Variants in PIGG observed in about 807,000 individuals in gnomAD.
The protein encoded by PIGG is phosphatidylinositol glycan anchor biosynthesis class G (EMM blood group), also known as GPI ethanolamine phosphate transferase 2, catalytic subunit.
Under a neutral mutation model 83.2 loss-of-function variants are expected in PIGG, and 70 were observed. The ratio of observed to expected loss-of-function variants is 0.84; its 90% confidence interval spans 0.69 to 1.03. The LOEUF (loss-of-function observed/expected upper bound fraction) is 1.03. Ranked by LOEUF, PIGG falls within the 50% of genes least tolerant of loss-of-function variation. The pLI, the probability that PIGG is intolerant of heterozygous loss-of-function variation, is 0.00. For missense variants in PIGG, 1,257 were observed against 1,233.6 expected, an observed-to-expected ratio of 1.02 and a Z score of -0.28; for synonymous variants, 532 against 519.5, an observed-to-expected ratio of 1.02 and a Z score of -0.33.
chr4:538,254 A>G (rs947637627), intron 12 of PIGG, among the ~76,000 whole-genome samples: 8 of 152,138 alleles, frequency 5.3e-5, no homozygotes, highest in Admixed American at 6.5e-5. Context: ...TCATTTTTCA[A>G]TAATCACAGA....
In PIGG at chr4:534,500, A is replaced by T. The variant is rs13149933; in HGVS notation, c.2735+519A>T. Among the ~76,000 whole-genome samples the T allele has an allele frequency of 3.8e-3, 575 of 152,152 alleles. 4 individuals carry two copies. The highest frequency in any genetic ancestry group is 0.013 in the African/African-American group (538 of 41,508). On this transcript the variant is annotated intron_variant, in intron 12 of 12. Transcript: ENST00000453061. ...TAGGGGCATGTCCCTTCCACACATAAGCTGATTTGGGTTGGAAAAACAGGG... is the reference window on the plus strand; with the variant it reads ...TAGGGGCATGTCCCTTCCACACATATGCTGATTTGGGTTGGAAAAACAGGG...
rs748286066 is a variant in PIGG, at chr4:523,662, G to A, written c.1818G>A (p.Pro606=). Residue 606 remains proline, a synonymous_variant, in exon 9 of 13, where the codon CCG becomes CCA. Transcript: ENST00000453061. ...NYFLGDDGEP[P]CGLCVEQGHD... is the part of the protein sequence containing the mutation. ...TTCTGGGAGATGACGGTGAGCCTCCGTGTGGCCTCTGTGTGGAACAAGGGC... is the reference window on the plus strand; with the variant it reads ...TTCTGGGAGATGACGGTGAGCCTCCATGTGGCCTCTGTGTGGAACAAGGGC... 3.5e-5 allele frequency: 56 copies of A among 1,613,988 alleles called. No homozygotes were observed. The highest frequency in any genetic ancestry group is 1.8e-4 in the Admixed American group (11 of 60,012).
intron 11 of PIGG, 169 bp downstream of exon 11, chr4:530,914 A>G (rs1728899097): frequency 6.7e-6 from 4 of 597,846 alleles, no homozygotes; most frequent in Non-Finnish European, 1.2e-5. Context: ...CCGGTTGTTT[A>G]AGACACGCGT....
chr4:499,361 C>T lies in PIGG; in HGVS notation c.26C>T (p.Ala9Val). 1.2e-6 allele frequency: 2 copies of T among 1,609,668 alleles called. No homozygotes were observed. Among genetic ancestry groups the T allele is most frequent in the Non-Finnish European group, 1.7e-6 (2 of 1,179,902 alleles). The change falls in exon 1 of 13, where the codon GCT becomes GTT. Residue 9 changes from alanine to valine, a missense_variant. Ala to Val is a moderately conservative substitution (Grantham distance 64). Transcript: ENST00000453061. Reference protein sequence around the residue: MRLGSGTFATCCVAIEVLG... With the variant: MRLGSGTFVTCCVAIEVLG... ...ATGCGGCTGGGCTCCGGGACTTTCG[C>T]TACCTGTTGCGTAGCGATCGAGGTG...
intron 3 of PIGG, among the ~76,000 whole-genome samples, chr4:507,177 C>T (rs1409685445): frequency 6.6e-6 from 1 of 152,216 alleles, no homozygotes; most frequent in Non-Finnish European, 1.5e-5. Context: ...TGGCCTCAAG[C>T]AGTCTTCCCG....
Position 515,163 on chromosome 4 carries a change from C to G in PIGG, c.902-810C>G, listed in dbSNP as rs1210244494. On this transcript the variant is annotated intron_variant, in intron 5 of 12. Transcript: ENST00000453061. This position sits in a 1 kb window ranked among gnomAD's most constrained non-coding sequence, Gnocchi z 4.2. ...AAAGACACCTCACGCACCACCTATC[C>G]TGAGTAGCCGTCCCTGTGGCCTCTT... Among the ~76,000 whole-genome samples, 1 of 152,278 alleles carries G rather than the reference C, an allele frequency of 6.6e-6. No homozygotes were observed. Among genetic ancestry groups the G allele is most frequent in the Non-Finnish European group, 1.5e-5 (1 of 68,046 alleles).
At chr4:514,289 T>C (rs1723152508) in intron 5 of PIGG, among the ~76,000 whole-genome samples, 1 of 152,214 alleles carries the variant, frequency 6.6e-6, no homozygotes. Flanking sequence ...TAAAAAATAG[T>C]GTTAATTCCT....
In PIGG at chr4:535,934, C is replaced by T. The variant is rs529611003; in HGVS notation, c.2735+1953C>T. On this transcript the variant is annotated intron_variant, in intron 12 of 12. Transcript: ENST00000453061. The stretch of plus-strand genomic sequence containing the variant: ...GATGCCCAGCCCCCTGTCGACATTC[C>T]GCAGAGGTGTCCTCGGGCTGACAGG... Among the ~76,000 whole-genome samples the T allele has an allele frequency of 4.4e-3, 664 of 152,318 alleles. 4 individuals carry two copies. Among genetic ancestry groups the T allele is most frequent in the Non-Finnish European group, 7.0e-3 (473 of 68,020 alleles).
Position 523,656 on chromosome 4 carries a change from G to T in PIGG, c.1812G>T (p.Glu604Asp). The change falls in exon 9 of 13, where the codon GAG (glutamate) becomes GAT (aspartate). Residue 604 changes from glutamate (E) to aspartate (D), a missense_variant. Glu to Asp is a conservative substitution (Grantham distance 45). Coordinates refer to ENST00000453061, the MANE Select transcript of PIGG (RefSeq NM_001127178.3). ...YRNYFLGDDG[E>D]PPCGLCVEQG... ...ACTACTTTCTGGGAGATGACGGTGAGCCTCCGTGTGGCCTCTGTGTGGAAC... is the reference window on the plus strand; with the variant it reads ...ACTACTTTCTGGGAGATGACGGTGATCCTCCGTGTGGCCTCTGTGTGGAAC... 1.2e-6 allele frequency: 2 copies of T among 1,614,218 alleles called. No individual in the cohort carries two copies. Among genetic ancestry groups the T allele is most frequent in the Non-Finnish European group, 1.7e-6 (2 of 1,180,030 alleles).
chr4:507,998 C>T (rs1401175869), intron 4 of PIGG, among the ~76,000 whole-genome samples: 1 of 152,168 alleles, frequency 6.6e-6, no homozygotes, highest in African/African-American at 2.4e-5. Flanking sequence ...TGCTCTGTGC[C>T]ACTGTCTCTG....
At position 525,396 on chromosome 4, in the gene PIGG, C is replaced by T. The variant is rs115199898; in HGVS notation, c.2069+1483C>T. The T allele has an allele frequency of 1.8e-4, 180 of 981,604 alleles. No individual in the cohort carries two copies. The African/African-American group carries it at 2.9e-3, about 16-fold the overall frequency. 60.8% of individuals were successfully genotyped at this position (981,604 alleles called of 1,614,324 possible). Reference sequence around the variant, plus strand: ...AGCAGCACAATGAGAGCATCTGCGGCGAGAGTAACAGCAAGGGTTGCGGTC... The same window carrying T: ...AGCAGCACAATGAGAGCATCTGCGGTGAGAGTAACAGCAAGGGTTGCGGTC... On this transcript the variant is annotated intron_variant, in intron 9 of 12. Coordinates refer to ENST00000453061, the MANE Select transcript of PIGG (RefSeq NM_001127178.3).
At chr4:509,826 G>A (rs1362228299) in intron 5 of PIGG, among the ~76,000 whole-genome samples, 2 of 152,142 alleles carry the variant, frequency 1.3e-5, no homozygotes, top group Non-Finnish European at 1.5e-5. Context: ...CCGTGGATAG[G>A]CCCCACACCG....
chr4:513,269 A>G (rs1357038886), intron 5 of PIGG, among the ~76,000 whole-genome samples: 3 of 152,222 alleles, frequency 2.0e-5, no homozygotes, highest in East Asian at 1.9e-4. Flanking sequence ...ACTATTCCCT[A>G]TAGTTCTGAA....
At chr4:524,945 A>G (rs1390153286) in intron 9 of PIGG, 1 of 153,022 alleles carries the variant, frequency 6.5e-6, no homozygotes, top group Non-Finnish European at 1.5e-5. Context: ...GGCGTGAGCC[A>G]CTGTGCCCAG....
chr4:520,749 C>T (rs1225989019), intron 6 of PIGG, among the ~76,000 whole-genome samples: 2 of 152,156 alleles, frequency 1.3e-5, no homozygotes, highest in Admixed American at 6.5e-5. Flanking sequence ...GAAGTAAGAG[C>T]GATGAGGGAG....
In PIGG at chr4:523,654, G is replaced by A; in HGVS notation, c.1810G>A (p.Glu604Lys). 3 of 1,614,218 alleles carry A rather than the reference G, an allele frequency of 1.9e-6. No homozygotes were observed. The highest frequency in any genetic ancestry group is 2.5e-6 in the Non-Finnish European group (3 of 1,180,038). Reference sequence around the variant, plus strand: ...AAACTACTTTCTGGGAGATGACGGTGAGCCTCCGTGTGGCCTCTGTGTGGA... The same window carrying A: ...AAACTACTTTCTGGGAGATGACGGTAAGCCTCCGTGTGGCCTCTGTGTGGA... ...YRNYFLGDDGEPPCGLCVEQG... is the reference protein window; with the variant it reads ...YRNYFLGDDGKPPCGLCVEQG... The change falls in exon 9 of 13, where the codon GAG (glutamate) becomes AAG (lysine). Residue 604 changes from glutamate to lysine, a missense_variant. Glu to Lys is a moderately conservative substitution (Grantham distance 56). Coordinates refer to ENST00000453061, the MANE Select transcript of PIGG (RefSeq NM_001127178.3).
At chr4:500,762 A>G (rs1553875382) in intron 2 of PIGG, among the ~76,000 whole-genome samples, 161 bp downstream of exon 2, 2 of 152,192 alleles carry the variant, frequency 1.3e-5, no homozygotes, top group Non-Finnish European at 2.9e-5. Flanking sequence ...CTCACACGGG[A>G]TGGAACTGAG....
chr4:525,161 C>T (rs1727230882), intron 9 of PIGG: 2 of 982,920 alleles, frequency 2.0e-6, no homozygotes, highest in Non-Finnish European at 2.4e-6. Flanking sequence ...TCTCTCTCCT[C>T]ATCCTGAAGG....
chr4:535,446 G>A (rs868182755), intron 12 of PIGG, among the ~76,000 whole-genome samples: 1 of 104,874 alleles, frequency 9.5e-6, no homozygotes, highest in Non-Finnish European at 1.9e-5. Context: ...GCCTCCTCCC[G>A]GGCAGGCGAG....
Sources: allele counts gnomAD v4.1 joint callset (sites outside exome capture counted in the v4.1 genomes callset), GRCh38; gene constraint gnomAD v4.1.1; non-coding constraint Gnocchi (gnomAD v3.1); transcripts MANE v1.5; gene names NCBI Gene and HGNC (gene_info 2026-07-23, HGNC 2026-07-21).